Variants in EXT1 observed in about 807,000 individuals in gnomAD.
EXT1 encodes the protein exostosin glycosyltransferase 1, also known as exostosin-1.
EXT1 carries 20 observed loss-of-function variants against 82.5 expected under a neutral mutation model. The observed-to-expected ratio is 0.24, with a 90% confidence interval of 0.17 to 0.35. The LOEUF (loss-of-function observed/expected upper bound fraction) is 0.35. Among genes scored for constraint, EXT1 ranks in the 10% least tolerant of loss-of-function variants. The pLI is 1.00. For synonymous variants in EXT1, 348 were observed against 350.8 expected, an observed-to-expected ratio of 0.99 and a Z score of 0.09; for missense variants, 757 against 936.5, an observed-to-expected ratio of 0.81 and a Z score of 2.50.
chr8:117,907,890 T>C (rs1813572339), intron 1 of EXT1, among the ~76,000 whole-genome samples: 3 of 152,240 alleles, frequency 2.0e-5, no homozygotes, highest in African/African-American at 7.2e-5. Flanking sequence ...AAAATACACC[T>C]GCCACATGTG....
At chr8:117,819,986 A>C (rs962573677) in intron 5 of EXT1, among the ~76,000 whole-genome samples, 192 bp from the exon 6 acceptor site, 1 of 152,058 alleles carries the variant, frequency 6.6e-6, no homozygotes, top group Non-Finnish European at 1.5e-5. Context: ...GAGTCTAGAG[A>C]CCTCAATAAA....
chr8:118,011,356 C>G (rs1425979424), intron 1 of EXT1, among the ~76,000 whole-genome samples: 1 of 152,204 alleles, frequency 6.6e-6, no homozygotes, highest in Non-Finnish European at 1.5e-5. Flanking sequence ...TAGGCACCCA[C>G]TAACCTTATG....
At chr8:117,844,544 A>G (rs1812323231) in intron 1 of EXT1, among the ~76,000 whole-genome samples, 1 of 152,128 alleles carries the variant, frequency 6.6e-6, no homozygotes, top group African/African-American at 2.4e-5. Context: ...AGAAACATAT[A>G]TAAGTGGGAA....
At chr8:117,909,147 A>C (rs1409223545) in intron 1 of EXT1, among the ~76,000 whole-genome samples, 3 of 152,114 alleles carry the variant, frequency 2.0e-5, no homozygotes, top group African/African-American at 4.8e-5. Context: ...AAAAAGAGAA[A>C]AGCTGCTATA....
chr8:118,012,402 G>A (rs112573473), intron 1 of EXT1, among the ~76,000 whole-genome samples: 55 of 152,190 alleles, frequency 3.6e-4, no homozygotes, highest in South Asian at 1.5e-3. Context: ...CTTTTTGTCC[G>A]GGAAGGTGAA....
chr8:118,047,574 G>GA (rs1256184976), intron 1 of EXT1, among the ~76,000 whole-genome samples: 2 of 152,036 alleles, frequency 1.3e-5, no homozygotes, highest in African/African-American at 4.8e-5. Context: ...CTAATAAATG[G>GA]TGCTCTCTTT....
At chr8:117,876,430 G>A (rs1178090122) in intron 1 of EXT1, among the ~76,000 whole-genome samples, 1 of 152,170 alleles carries the variant, frequency 6.6e-6, no homozygotes, top group African/African-American at 2.4e-5. Flanking sequence ...CTAGACTCCA[G>A]ACCCAGAGAG....
intron 1 of EXT1, among the ~76,000 whole-genome samples, chr8:118,036,451 T>C (rs924255604): frequency 6.6e-6 from 1 of 152,174 alleles, no homozygotes; most frequent in Admixed American, 6.5e-5. Flanking sequence ...GTAAATCGCA[T>C]GATAACTTAT....
intron 1 of EXT1, among the ~76,000 whole-genome samples, chr8:117,866,535 A>G (rs904705527): frequency 7.9e-5 from 12 of 152,200 alleles, no homozygotes; most frequent in Non-Finnish European, 1.0e-4. Flanking sequence ...GAATTAACCA[A>G]GCTCAAGGAC....
intron 1 of EXT1, among the ~76,000 whole-genome samples, chr8:117,913,089 G>A (rs747854216): frequency 3.0e-4 from 46 of 152,044 alleles, no homozygotes; most frequent in African/African-American, 7.0e-4. Context: ...CTGGGTGGTC[G>A]CGTGTACCTG....
chr8:118,037,660 C>T (rs750116763), intron 1 of EXT1, among the ~76,000 whole-genome samples: 1 of 152,098 alleles, frequency 6.6e-6, no homozygotes, highest in Admixed American at 6.5e-5. Context: ...CAGTTTCACA[C>T]ATTAGGCAAA....
intron 1 of EXT1, among the ~76,000 whole-genome samples, chr8:118,071,145 C>T (rs1055784368): frequency 1.3e-5 from 2 of 152,046 alleles, no homozygotes; most frequent in Non-Finnish European, 1.5e-5. Flanking sequence ...CAAATGATTC[C>T]GTCATTCAAT....
intron 1 of EXT1, among the ~76,000 whole-genome samples, chr8:117,854,035 T>C (rs1478129685): frequency 5.9e-5 from 9 of 152,252 alleles, no homozygotes; most frequent in Admixed American, 5.9e-4. Context: ...TCAGCCCTTC[T>C]TCAAGTACTC....
chr8:117,954,169 G>C (rs1037495085), intron 1 of EXT1, among the ~76,000 whole-genome samples: 1 of 152,132 alleles, frequency 6.6e-6, no homozygotes, highest in African/African-American at 2.4e-5. Flanking sequence ...TGCTTGACCC[G>C]CGACTAATGG....
intron 10 of EXT1, among the ~76,000 whole-genome samples, chr8:117,800,124 T>C (rs558574482): frequency 7.7e-4 from 117 of 152,232 alleles, no homozygotes; most frequent in Non-Finnish European, 1.4e-3. Context: ...CAAAGATTCA[T>C]GTTGACTTTA....
intron 1 of EXT1, among the ~76,000 whole-genome samples, chr8:117,979,946 G>A (rs1375865473): frequency 6.6e-6 from 1 of 152,226 alleles, no homozygotes; most frequent in East Asian, 1.9e-4. Context: ...TACTGTAGGT[G>A]TTATCAATGA....
In EXT1 at chr8:118,022,326, C is replaced by CTTTT. The variant is rs71307420; in HGVS notation, c.962+87755_962+87758dup. On this transcript the variant is annotated intron_variant, in intron 1 of 10. Transcript: ENST00000378204. ...ATACTTGGCCGGGCGCATATATATT[C>CTTTT]TTTTTTTTTTTTTTTTTTTTTTTTT... 4.5e-4 allele frequency among the ~76,000 whole-genome samples: 21 copies of CTTTT among 46,200 alleles called. 2 individuals carry two copies. The highest frequency in any genetic ancestry group is 1.2e-3 in the South Asian group (1 of 828). 30.3% of individuals were successfully genotyped at this position (46,200 alleles called of 152,430 possible).
chr8:118,099,259 G>A (rs912228324), intron 1 of EXT1, among the ~76,000 whole-genome samples: 10 of 152,166 alleles, frequency 6.6e-5, no homozygotes, highest in African/African-American at 2.2e-4. Flanking sequence ...CAATTGCCAT[G>A]GTTCTTTACT....
rs1342681747 is a variant in EXT1 at position 118,097,468 on chromosome 8, T to C, written c.962+12617A>G. The stretch of plus-strand genomic sequence containing the variant: ...TCTCAAAAAAATAAAAATAAATGAA[T>C]AAAAATAAATAAAATCTGGAACTTC... On this transcript the variant is annotated intron_variant, in intron 1 of 10. Transcript: ENST00000378204. Among the ~76,000 whole-genome samples the C allele has an allele frequency of 2.0e-5, 3 of 152,026 alleles. No individual in the cohort carries two copies. The East Asian group carries it at 5.8e-4, about 29-fold the overall frequency.
Sources: allele counts gnomAD v4.1 joint callset (sites outside exome capture counted in the v4.1 genomes callset), GRCh38; gene constraint gnomAD v4.1.1; transcripts MANE v1.5; gene names NCBI Gene and HGNC (gene_info 2026-07-23, HGNC 2026-07-21).